CAST: variants seen among roughly 807,000 people sequenced by gnomAD.
CAST encodes the protein calpastatin.
CAST carries 76 observed loss-of-function variants against 119.6 expected under a neutral mutation model. That is an observed-to-expected ratio of 0.64 (90% confidence interval 0.53 to 0.77). The LOEUF (loss-of-function observed/expected upper bound fraction) is 0.77, where lower values mean the gene tolerates loss of function less well. CAST is among the 30% of genes least tolerant of loss of function. The pLI is 0.00. For missense variants in CAST, 953 were observed against 946.5 expected, an observed-to-expected ratio of 1.01 and a Z score of -0.09; for synonymous variants, 319 against 331.6, an observed-to-expected ratio of 0.96 and a Z score of 0.41.
At chr5:96,256,790 T>C in the CAST span, among the ~76,000 whole-genome samples, 69 of 152,200 alleles carry the variant, frequency 4.5e-4, no homozygotes, top group African/African-American at 1.6e-3. Flanking sequence ...ATACAACCTC[T>C]TTATTATTTT....
At chr5:96,335,132 C>T in the CAST span, among the ~76,000 whole-genome samples, 1 of 152,184 alleles carries the variant, frequency 6.6e-6, no homozygotes, top group Non-Finnish European at 1.5e-5. Context: ...GCTTACTCAT[C>T]TCCTTCCCAT....
At chr5:96,285,284 G>A in the CAST span, among the ~76,000 whole-genome samples, 1 of 152,084 alleles carries the variant, frequency 6.6e-6, no homozygotes, top group Non-Finnish European at 1.5e-5. Context: ...ACCGATAAAG[G>A]TATACGTCAC....
chr5:96,254,862 A>C, the CAST span, among the ~76,000 whole-genome samples: 1 of 152,174 alleles, frequency 6.6e-6, no homozygotes, highest in African/African-American at 2.4e-5. Flanking sequence ...CTATTTTTTA[A>C]ATCTGTATCC....
chr5:96,729,204 A>G lies in CAST; in HGVS notation c.430A>G (p.Thr144Ala), dbSNP rs149079733. Residue 144 changes from threonine (T) to alanine (A), a missense_variant, in exon 7 of 32, where the codon ACA becomes GCA. Physicochemically the swap from Thr to Ala is moderately conservative, Grantham distance 58. Transcript: ENST00000675179. ...CCAAGAAGGAAAGCCAAAAGAACAC[A>G]CAGAGGTAAATGATTATCATCAGGA... ...KSQEGKPKEH[T>A]EPKSLPKQAS... 251 of 1,566,506 alleles carry G rather than the reference A, an allele frequency of 1.6e-4. No homozygotes were observed. Among genetic ancestry groups the G allele is most frequent in the Non-Finnish European group, 2.0e-4 (222 of 1,137,756 alleles).
intron 1 of CAST, among the ~76,000 whole-genome samples, chr5:96,563,885 T>G (rs928585600): frequency 6.6e-6 from 1 of 152,202 alleles, no homozygotes; most frequent in East Asian, 1.9e-4. Context: ...ACGCAAGTGT[T>G]TCCTTGCCTT....
At chr5:96,697,420 G>T in intron 3 of CAST, among the ~76,000 whole-genome samples, 1 of 151,942 alleles carries the variant, frequency 6.6e-6, no homozygotes, top group East Asian at 1.9e-4. Context: ...AGTCCCTGAT[G>T]GTGCCCAAAC....
the CAST span, among the ~76,000 whole-genome samples, chr5:96,093,415 A>G: frequency 2.0e-5 from 3 of 152,258 alleles, no homozygotes; most frequent in Non-Finnish European, 4.4e-5. Context: ...TTCCACTAAG[A>G]GCCAGCAGCA....
Position 96,754,103 on chromosome 5 carries a change from G to A in CAST, c.1568G>A (p.Ser523Asn). Residue 523 changes from serine (S) to asparagine (N), a missense_variant, in exon 21 of 32, where the codon AGC becomes AAC. Physicochemically the swap from Ser to Asn is conservative, Grantham distance 46 (BLOSUM62 1). Transcript: ENST00000675179. The stretch of plus-strand genomic sequence containing the variant: ...GATGCTGTAGAAGCCTTGGCTGATA[G>A]CCTGGGGAAAAAGGAAGCAGATCCA... The part of the protein sequence containing the change: ...PDDAVEALAD[S>N]LGKKEADPED... 6.2e-7 allele frequency: 1 copy of A among 1,613,966 alleles called. No homozygotes were observed. Among genetic ancestry groups the A allele is most frequent in the Non-Finnish European group, 8.5e-7 (1 of 1,179,852 alleles).
rs748989485 is a variant in CAST, at chr5:96,598,431, C to G, written c.60+68551C>G. ...CCATCCAAGCACTGGGGAAAACTGG[C>G]TCCCCTCTCAGCTGCCCTGTCTCTA... On this transcript the variant is annotated intron_variant, in intron 1 of 11. Transcript: ENST00000505143. 2.6e-4 allele frequency among the ~76,000 whole-genome samples: 39 copies of G among 152,072 alleles called. 1 individual carries two copies. Among genetic ancestry groups the G allele is most frequent in the Non-Finnish European group, 4.7e-4 (32 of 68,016 alleles).
the CAST span, among the ~76,000 whole-genome samples, chr5:95,996,094 C>T: frequency 6.6e-6 from 1 of 152,140 alleles, no homozygotes; most frequent in Non-Finnish European, 1.5e-5. Flanking sequence ...TTCCAAGTCT[C>T]CCCAAAACTA....
the CAST span, among the ~76,000 whole-genome samples, chr5:96,365,021 G>T: frequency 6.6e-6 from 1 of 152,150 alleles, no homozygotes; most frequent in Non-Finnish European, 1.5e-5. Flanking sequence ...CTGCTATGTT[G>T]TGTCTTTGTT....
At chr5:96,205,111 C>T in the CAST span, among the ~76,000 whole-genome samples, 3 of 152,020 alleles carry the variant, frequency 2.0e-5, no homozygotes, top group Non-Finnish European at 1.5e-5. Flanking sequence ...TTTTTTCACT[C>T]TTGAGTTTTA....
chr5:96,297,780 G>A, the CAST span, among the ~76,000 whole-genome samples: 29 of 151,814 alleles, frequency 1.9e-4, no homozygotes, highest in Non-Finnish European at 4.0e-4. Context: ...TGGCTTCCAC[G>A]TTTTTAAATC....
chr5:96,077,205 A>G, the CAST span, among the ~76,000 whole-genome samples: 2 of 152,070 alleles, frequency 1.3e-5, no homozygotes, highest in African/African-American at 4.8e-5. Context: ...TAACATATAT[A>G]CCTTTTTATT....
At chr5:96,363,443 G>A in the CAST span, among the ~76,000 whole-genome samples, 4 of 151,262 alleles carry the variant, frequency 2.6e-5, no homozygotes, top group Non-Finnish European at 4.4e-5. Flanking sequence ...CCATTTTCAC[G>A]ATATTGATTC....
chr5:96,361,854 C>CT, the CAST span, among the ~76,000 whole-genome samples: 1 of 96,272 alleles, frequency 1.0e-5, no homozygotes, highest in Admixed American at 1.2e-4. Flanking sequence ...TTTAGTTATA[C>CT]TTTAAGTTCT....
At chr5:96,629,049 A>AT (rs1169457857) in intron 1 of CAST, among the ~76,000 whole-genome samples, 11 of 151,654 alleles carry the variant, frequency 7.3e-5, no homozygotes, top group African/African-American at 2.7e-4. Context: ...TCCTGCTTCC[A>AT]TTCACAAGTA....
chr5:96,115,140 C>T, the CAST span, among the ~76,000 whole-genome samples: 1 of 152,270 alleles, frequency 6.6e-6, no homozygotes, highest in East Asian at 1.9e-4. Flanking sequence ...TCCCGTTTTT[C>T]CTCCAAAACT....
intron 1 of CAST, among the ~76,000 whole-genome samples, chr5:96,645,345 A>G (rs1748001503): frequency 6.6e-6 from 1 of 152,146 alleles, no homozygotes; most frequent in African/African-American, 2.4e-5. Context: ...AACATTCATC[A>G]CGCGGTTAAG....
Sources: gnomAD v4.1 joint callset for allele counts (sites outside exome capture counted in the v4.1 genomes callset) on GRCh38, gnomAD v4.1.1 for gene constraint, MANE v1.5 for transcripts, NCBI Gene and HGNC (gene_info 2026-07-23, HGNC 2026-07-21) for gene names.